The following CSMD2 variants were observed in gnomAD, a reference collection of about 807,000 sequenced individuals.
The protein encoded by CSMD2 is CUB and Sushi multiple domains 2, also known as CUB and sushi domain-containing protein 2.
CSMD2 carries 130 observed loss-of-function variants against 398.5 expected under a neutral mutation model. The ratio of observed to expected loss-of-function variants is 0.33; its 90% confidence interval spans 0.28 to 0.38. CSMD2 has a LOEUF of 0.38. CSMD2 is among the 10% of genes least tolerant of loss of function. The pLI is 1.00. For synonymous variants in CSMD2, 1,828 were observed against 1,908.5 expected (o/e 0.96, Z 1.10); for missense variants, 3,829 against 4,764.9 (o/e 0.80, Z 5.78).
chr1:33,675,025 A>C (rs1474669553), intron 25 of CSMD2, among the ~76,000 whole-genome samples: 1 of 152,258 alleles, frequency 6.6e-6, no homozygotes, highest in Non-Finnish European at 1.5e-5. Context: ...CAAAATTGAC[A>C]TCCTAACATC....
chr1:33,642,317 A>G (rs1314184845), intron 29 of CSMD2, among the ~76,000 whole-genome samples: 2 of 145,250 alleles, frequency 1.4e-5, no homozygotes, highest in Admixed American at 7.1e-5. Context: ...ACTGCACTCC[A>G]GCCTGGGTGA....
At chr1:33,908,107 A>G (rs1436267569) in intron 5 of CSMD2, among the ~76,000 whole-genome samples, 5 of 148,568 alleles carry the variant, frequency 3.4e-5, no homozygotes, top group Admixed American at 2.0e-4. Context: ...AAAAAAAAAA[A>G]GAAAAGTAAA....
chr1:33,853,137 T>C (rs1387488014), intron 5 of CSMD2, among the ~76,000 whole-genome samples: 1 of 152,232 alleles, frequency 6.6e-6, no homozygotes, highest in African/African-American at 2.4e-5. Flanking sequence ...GCCAATCAGT[T>C]TAATGCAGGA....
At chr1:33,625,598 C>A (rs576118425) in intron 33 of CSMD2, among the ~76,000 whole-genome samples, 1 of 152,276 alleles carries the variant, frequency 6.6e-6, no homozygotes, top group South Asian at 2.1e-4. Context: ...TCCTCCTCTA[C>A]CTTCAGGGCC....
At chr1:33,679,342 C>T (rs1644827091) in intron 25 of CSMD2, among the ~76,000 whole-genome samples, 1 of 151,782 alleles carries the variant, frequency 6.6e-6, no homozygotes, top group Non-Finnish European at 1.5e-5. Context: ...GCTGGGATTA[C>T]AGGCTCATGC....
At chr1:33,912,387 C>A (rs950494299) in intron 5 of CSMD2, among the ~76,000 whole-genome samples, 1 of 147,990 alleles carries the variant, frequency 6.8e-6, no homozygotes, top group Admixed American at 6.6e-5. Flanking sequence ...TGGAAAGGAG[C>A]TTTGGACGAC....
chr1:33,799,770 G>T (rs1360367455), intron 10 of CSMD2, among the ~76,000 whole-genome samples: 2 of 152,216 alleles, frequency 1.3e-5, no homozygotes, highest in Non-Finnish European at 2.9e-5. Flanking sequence ...AAAAATACAA[G>T]GAGCATGAGA....
intron 6 of CSMD2, among the ~76,000 whole-genome samples, chr1:33,831,504 G>A (rs1272175796): frequency 6.6e-6 from 1 of 152,012 alleles, no homozygotes; most frequent in African/African-American, 2.4e-5. Context: ...AAGAGCTCCT[G>A]AAGGAAGCAC....
intron 32 of CSMD2, among the ~76,000 whole-genome samples, chr1:33,631,071 A>G (rs1186758802): frequency 6.6e-6 from 1 of 152,128 alleles, no homozygotes; most frequent in Non-Finnish European, 1.5e-5. Flanking sequence ...AATAAAAAAA[A>G]GCAACAACAA....
At chr1:34,148,895 G>T (rs1041125064) in intron 1 of CSMD2, among the ~76,000 whole-genome samples, 1 of 152,114 alleles carries the variant, frequency 6.6e-6, no homozygotes, top group Non-Finnish European at 1.5e-5. Flanking sequence ...GTGGCGGATG[G>T]GGTCCAAGAG....
chr1:33,926,802 C>T (rs762990634), intron 4 of CSMD2, among the ~76,000 whole-genome samples: 10 of 152,160 alleles, frequency 6.6e-5, no homozygotes, highest in Non-Finnish European at 1.2e-4. Context: ...TATTTATGAT[C>T]GACTTTAAGT....
At chr1:34,054,792 G>T (rs1357456204) in intron 2 of CSMD2, among the ~76,000 whole-genome samples, 1 of 152,080 alleles carries the variant, frequency 6.6e-6, no homozygotes, top group Non-Finnish European at 1.5e-5. Context: ...ATTGGAGCTG[G>T]TGATTGTCTC....
At chr1:33,686,861 G>A (rs1478555852) in intron 25 of CSMD2, among the ~76,000 whole-genome samples, 1 of 152,168 alleles carries the variant, frequency 6.6e-6, no homozygotes, top group African/African-American at 2.4e-5. Flanking sequence ...AGATCCTTTA[G>A]GGGTGACTTA....
At chr1:34,105,085 G>A (rs981237264) in intron 1 of CSMD2, among the ~76,000 whole-genome samples, 3 of 152,222 alleles carry the variant, frequency 2.0e-5, no homozygotes, top group African/African-American at 7.2e-5. Context: ...TGCATTAAGT[G>A]CTGGGTGACA....
Position 33,918,221 on chromosome 1 carries a change from T to G in CSMD2, c.793A>C (p.Asn265His). 1 of 1,614,138 alleles carries G rather than the reference T, an allele frequency of 6.2e-7. No individual in the cohort carries two copies. The highest frequency in any genetic ancestry group is 8.5e-7 in the Non-Finnish European group (1 of 1,180,034). ...AGGATGGTCCATGTGCAGTCGGCAT[T>G]GTTATGGTACTCCGAGGGGAAGTGG... ...SPHFPSEYHN[N>H]ADCTWTILAE... is the part of the protein sequence containing the mutation. Residue 265 changes from asparagine to histidine, a missense_variant, in exon 5 of 71, where the codon AAT (asparagine) becomes CAT (histidine). By Grantham distance (68) the Asn-to-His change is moderately conservative. Transcript: ENST00000373381.
At chr1:33,916,836 AT>A (rs144553603) in intron 5 of CSMD2, among the ~76,000 whole-genome samples, 10,108 of 152,186 alleles carry the variant, frequency 0.066, 421 homozygotes, top group Middle Eastern at 0.11. Flanking sequence ...TAGATAGACA[AT>A]GAGCTCCTTA....
At chr1:33,661,781 C>T (rs1207385851) in intron 26 of CSMD2, among the ~76,000 whole-genome samples, 1 of 152,132 alleles carries the variant, frequency 6.6e-6, no homozygotes, top group Non-Finnish European at 1.5e-5. Flanking sequence ...GAGCTAGAAG[C>T]AGGATTTGCA....
At chr1:33,751,602 A>T (rs1182931423) in intron 13 of CSMD2, among the ~76,000 whole-genome samples, 1 of 152,156 alleles carries the variant, frequency 6.6e-6, no homozygotes, top group Non-Finnish European at 1.5e-5. Context: ...CAAGGAGATG[A>T]GAGTGTGAAG....
chr1:34,035,738 C>CA (rs149807105), intron 2 of CSMD2, among the ~76,000 whole-genome samples: 18,749 of 119,684 alleles, frequency 0.16, 1,452 homozygotes, highest in East Asian at 0.37. Flanking sequence ...AGAACATCTA[C>CA]AAAAAAAAAA....
Sources: gnomAD v4.1 joint callset for allele counts (sites outside exome capture counted in the v4.1 genomes callset) on GRCh38, gnomAD v4.1.1 for gene constraint, MANE v1.5 for transcripts, NCBI Gene and HGNC (gene_info 2026-07-23, HGNC 2026-07-21) for gene names.